Variants in ZDHHC17 observed in about 807,000 individuals in gnomAD.
ZDHHC17 encodes zDHHC palmitoyltransferase 17, also known as palmitoyltransferase ZDHHC17.
Under a neutral mutation model 90.3 loss-of-function variants are expected in ZDHHC17, and 40 were observed. That is an observed-to-expected ratio of 0.44 (90% confidence interval 0.34 to 0.58). ZDHHC17 has a LOEUF of 0.58. Ranked by LOEUF, ZDHHC17 falls within the 20% of genes least tolerant of loss-of-function variation. The probability of loss-of-function intolerance (pLI) is 0.01; values close to 1 mark genes in which losing one functional copy is unlikely to be tolerated. For synonymous variants in ZDHHC17, 235 were observed against 252.4 expected (o/e 0.93, Z 0.65); for missense variants, 614 against 780.8 (o/e 0.79, Z 2.55).
chr12:76,833,213 A>G (rs1592493967), intron 10 of ZDHHC17, among the ~76,000 whole-genome samples: 1 of 152,162 alleles, frequency 6.6e-6, no homozygotes. Context: ...TTTTTCAGAT[A>G]TATCATTTTA....
At chr12:76,834,724 C>T (rs1953343791) in intron 10 of ZDHHC17, among the ~76,000 whole-genome samples, 1 of 152,144 alleles carries the variant, frequency 6.6e-6, no homozygotes. Flanking sequence ...CATTTGACTA[C>T]TGTAAATGAA....
rs1401239453 is a variant in ZDHHC17 at position 76,764,273 on chromosome 12, G to A, written c.37G>A (p.Asp13Asn). Reference protein sequence around the residue: ...REEGFNTKMADGPDEYDTEAG... With the variant: ...REEGFNTKMANGPDEYDTEAG... ...GGAGGGATTTAACACCAAGATGGCG[G>A]ACGGCCCGGATGAGTACGATACCGA... The change falls in exon 1 of 17, where the codon GAC becomes AAC. Residue 13 changes from aspartate (D) to asparagine (N), a missense_variant. Around this residue, in one of 5 missense-constraint regions of ZDHHC17, gnomAD observed 358 missense variants for 380.4 expected, o/e 0.94. Coordinates refer to ENST00000426126, the MANE Select transcript of ZDHHC17 (RefSeq NM_015336.4). The A allele has an allele frequency of 6.2e-7, 1 of 1,607,142 alleles. No homozygotes were observed. Among genetic ancestry groups the A allele is most frequent in the South Asian group, 1.1e-5 (1 of 89,414 alleles).
chr12:76,806,383 A>G (rs4237885), intron 3 of ZDHHC17, among the ~76,000 whole-genome samples: 67,785 of 151,904 alleles, frequency 0.45, 15,497 homozygotes, highest in East Asian at 0.65. Context: ...GGTTCAAGCA[A>G]TTCTCCTGCC....
chr12:76,783,427 G>A (rs1214832707), intron 1 of ZDHHC17, among the ~76,000 whole-genome samples: 1 of 152,158 alleles, frequency 6.6e-6, no homozygotes, highest in Non-Finnish European at 1.5e-5. Flanking sequence ...ACTATCAAAC[G>A]CTTATGAAAC....
rs1006056232 is a variant in ZDHHC17 at position 76,785,179 on chromosome 12, G to A, written c.94-12255G>A. 3.3e-5 allele frequency among the ~76,000 whole-genome samples: 5 copies of A among 152,118 alleles called. No homozygotes were observed. The South Asian group carries it at 1.0e-3, about 32-fold the overall frequency. On this transcript the variant is annotated intron_variant, in intron 1 of 16. Coordinates refer to ENST00000426126, the MANE Select transcript of ZDHHC17 (RefSeq NM_015336.4). The stretch of plus-strand genomic sequence containing the variant: ...CCTAATCTTAAAACATCTTTAAAGG[G>A]CACCCATTTTTTTCAGGTAATAATA...
At chr12:76,827,641 C>T (rs1251522870) in intron 9 of ZDHHC17, among the ~76,000 whole-genome samples, 1 of 152,034 alleles carries the variant, frequency 6.6e-6, no homozygotes, top group African/African-American at 2.4e-5. Flanking sequence ...ATCTAATTTC[C>T]AGTCCTTTAG....
chr12:76,795,626 C>G (rs969919788), intron 1 of ZDHHC17, among the ~76,000 whole-genome samples: 3 of 151,976 alleles, frequency 2.0e-5, no homozygotes, highest in Admixed American at 6.6e-5. Context: ...TTACCTTAAC[C>G]CCACTGAATA....
intron 3 of ZDHHC17, among the ~76,000 whole-genome samples, chr12:76,807,608 A>G (rs946168325): frequency 2.0e-5 from 3 of 152,226 alleles, no homozygotes; most frequent in Non-Finnish European, 4.4e-5. Flanking sequence ...ATGAAAAGTA[A>G]TAGAAGTTAT....
chr12:76,793,019 G>A (rs1952778117), intron 1 of ZDHHC17, among the ~76,000 whole-genome samples: 1 of 152,178 alleles, frequency 6.6e-6, no homozygotes, highest in Non-Finnish European at 1.5e-5. Flanking sequence ...AGCTAGCTAT[G>A]GCTGATCAAG....
intron 5 of ZDHHC17, chr12:76,813,283 T>C (rs1278981643): frequency 4.7e-6 from 2 of 427,404 alleles, no homozygotes; most frequent in East Asian, 7.4e-5. Flanking sequence ...TTGTTGTTTC[T>C]TCAGAAAACA....
intron 11 of ZDHHC17, 120 bp downstream of exon 11, chr12:76,842,226 T>C (rs1953444444): frequency 2.7e-6 from 3 of 1,102,198 alleles, no homozygotes; most frequent in Admixed American, 3.8e-5. Context: ...TTAAGCTAAA[T>C]TGAGATTATG....
At chr12:76,782,033 G>T (rs988336021) in intron 1 of ZDHHC17, among the ~76,000 whole-genome samples, 12 of 152,134 alleles carry the variant, frequency 7.9e-5, no homozygotes, top group African/African-American at 1.4e-4. Flanking sequence ...TAAAGAGATG[G>T]TGTTGAATTT....
intron 1 of ZDHHC17, among the ~76,000 whole-genome samples, chr12:76,778,861 T>G (rs1952592521): frequency 6.6e-6 from 1 of 152,186 alleles, no homozygotes; most frequent in Non-Finnish European, 1.5e-5. Context: ...TTTCTCCAGT[T>G]TTGGAGGCTA....
intron 8 of ZDHHC17, among the ~76,000 whole-genome samples, chr12:76,825,203 C>T (rs1179042145): frequency 6.6e-6 from 1 of 152,056 alleles, no homozygotes; most frequent in Non-Finnish European, 1.5e-5. Flanking sequence ...TACTGTGATA[C>T]GCTAGATGTT....
chr12:76,823,530 T>G (rs1953191410), intron 8 of ZDHHC17, among the ~76,000 whole-genome samples: 1 of 152,226 alleles, frequency 6.6e-6, no homozygotes. Context: ...CCTAAATAAT[T>G]GTCAAGATGT....
intron 1 of ZDHHC17, among the ~76,000 whole-genome samples, chr12:76,789,512 T>G (rs1322779831): frequency 2.0e-5 from 3 of 152,204 alleles, no homozygotes; most frequent in Admixed American, 6.5e-5. Context: ...TATTGGTATA[T>G]GCAGTGGTAT....
At chr12:76,822,328 T>G in intron 7 of ZDHHC17, 78 bp from the exon 8 acceptor site, 1 of 1,543,516 alleles carries the variant, frequency 6.5e-7, no homozygotes, top group East Asian at 2.3e-5. Context: ...AATTAATTTT[T>G]ATAGAAGTTC....
intron 16 of ZDHHC17, among the ~76,000 whole-genome samples, chr12:76,850,310 T>G (rs138768795): frequency 6.6e-6 from 1 of 152,338 alleles, no homozygotes; most frequent in East Asian, 1.9e-4. Flanking sequence ...GTTGTTATCC[T>G]TAGGTTCACT....
Position 76,846,587 on chromosome 12 carries a change from G to A in ZDHHC17, c.1424-9G>A, listed in dbSNP as rs550114493. Reference sequence around the variant, plus strand: ...AGCTGAAAAACCTTGCTTCTGTGTCGTTCTTCAGGTGCAGGCAACCATAGA... The same window carrying A: ...AGCTGAAAAACCTTGCTTCTGTGTCATTCTTCAGGTGCAGGCAACCATAGA... On this transcript the variant is annotated splice_polypyrimidine_tract_variant and intron_variant, in intron 13 of 16. Coordinates refer to ENST00000426126, the MANE Select transcript of ZDHHC17 (RefSeq NM_015336.4). The A allele has an allele frequency of 1.2e-5, 19 of 1,609,072 alleles. No individual in the cohort carries two copies. The highest frequency in any genetic ancestry group is 8.0e-5 in the African/African-American group (6 of 74,938).
Sources: gnomAD v4.1 joint callset for allele counts (sites outside exome capture counted in the v4.1 genomes callset) on GRCh38, gnomAD v4.1.1 for gene constraint, gnomAD v4.1.1 regional missense constraint, MANE v1.5 for transcripts, NCBI Gene and HGNC (gene_info 2026-07-23, HGNC 2026-07-21) for gene names.